FUT8: variants seen among roughly 807,000 people sequenced by gnomAD.
The protein encoded by FUT8 is fucosyltransferase 8.
FUT8 carries 29 observed loss-of-function variants against 71.3 expected under a neutral mutation model. The ratio of observed to expected loss-of-function variants is 0.41; its 90% CI spans 0.30 to 0.55. The LOEUF (loss-of-function observed/expected upper bound fraction) is 0.55. Among genes scored for constraint, FUT8 ranks in the 20% least tolerant of loss-of-function variants. The pLI is 0.34. For missense variants in FUT8, 544 were observed against 702.1 expected (o/e 0.77, Z 2.55); for synonymous variants, 254 against 239.3 (o/e 1.06, Z -0.57).
chr14:65,438,288 T>A (rs2065591471), intron 1 of FUT8, among the ~76,000 whole-genome samples: 1 of 152,082 alleles, frequency 6.6e-6, no homozygotes, highest in South Asian at 2.1e-4. Context: ...TCCCCTCACA[T>A]ATTCATTCTC....
chr14:65,706,628 T>C (rs1894569957), intron 7 of FUT8, among the ~76,000 whole-genome samples: 4 of 152,148 alleles, frequency 2.6e-5, no homozygotes, highest in Admixed American at 2.0e-4. Context: ...CCTGCTTCCT[T>C]ATGGGTGATA....
intron 6 of FUT8, among the ~76,000 whole-genome samples, chr14:65,641,753 GTT>G (rs34026328): frequency 2.4e-4 from 34 of 140,576 alleles, no homozygotes; most frequent in East Asian, 4.1e-4. Flanking sequence ...TGTGTATGTG[GTT>G]TTTTTTTTTT....
intron 1 of FUT8, among the ~76,000 whole-genome samples, chr14:65,450,435 C>T (rs1404834498): frequency 6.6e-6 from 1 of 151,982 alleles, no homozygotes; most frequent in African/African-American, 2.4e-5. Flanking sequence ...ACTTCTCTTC[C>T]TTTATTATGT....
chr14:65,471,401 A>C (rs1352718204), intron 2 of FUT8, among the ~76,000 whole-genome samples: 4 of 152,016 alleles, frequency 2.6e-5, no homozygotes, highest in African/African-American at 7.2e-5. Flanking sequence ...GGCGTATTTC[A>C]AAATGGTTTT....
upstream of FUT8, among the ~76,000 whole-genome samples, chr14:65,408,898 C>T (rs2065097668): frequency 6.6e-6 from 1 of 152,180 alleles, no homozygotes; most frequent in Non-Finnish European, 1.5e-5. Context: ...AAGAGTACAG[C>T]TTGAGGCCAG....
At chr14:65,602,888 T>A (rs1174981257) in intron 3 of FUT8, among the ~76,000 whole-genome samples, 3 of 151,926 alleles carry the variant, frequency 2.0e-5, no homozygotes. Context: ...TTGCTGTGGA[T>A]TCTGTATATT....
intron 3 of FUT8, among the ~76,000 whole-genome samples, chr14:65,595,472 C>T (rs1887914623): frequency 6.6e-6 from 1 of 152,122 alleles, no homozygotes; most frequent in Admixed American, 6.6e-5. Context: ...TTATATACCT[C>T]AGTCTGGATT....
At chr14:65,737,374 A>C (rs539086816) in intron 10 of FUT8, among the ~76,000 whole-genome samples, 1 of 152,204 alleles carries the variant, frequency 6.6e-6, no homozygotes, top group South Asian at 2.1e-4. Flanking sequence ...CATTTTTTTC[A>C]AGTACGTCAA....
intron 6 of FUT8, among the ~76,000 whole-genome samples, chr14:65,648,962 T>C (rs1393023952): frequency 6.6e-6 from 1 of 152,190 alleles, no homozygotes; most frequent in African/African-American, 2.4e-5. Flanking sequence ...GTAGGGAGTC[T>C]CTGACGATAT....
intron 1 of FUT8, among the ~76,000 whole-genome samples, chr14:65,441,956 C>T (rs527538852): frequency 6.6e-6 from 1 of 152,118 alleles, no homozygotes; most frequent in East Asian, 1.9e-4. Context: ...CCTCCCACAA[C>T]CCCACGACAG....
At chr14:65,465,335 C>T (rs908243306) in intron 2 of FUT8, among the ~76,000 whole-genome samples, 3 of 151,906 alleles carry the variant, frequency 2.0e-5, no homozygotes, top group South Asian at 2.1e-4. Context: ...CATTTATTTA[C>T]TTACTTACTT....
At chr14:65,405,143 A>G in the FUT8 span, among the ~76,000 whole-genome samples, 104,621 of 152,008 alleles carry the variant, frequency 0.69, 36,181 homozygotes, top group East Asian at 0.77. Flanking sequence ...CTCAGGTAAT[A>G]GGATGGAGAG....
chr14:65,429,943 A>G (rs1211114993), intron 1 of FUT8, among the ~76,000 whole-genome samples: 1 of 151,344 alleles, frequency 6.6e-6, no homozygotes, highest in Non-Finnish European at 1.5e-5. Context: ...GCTTTTTATG[A>G]AATGTCAGTG....
At chr14:65,591,320 T>C (rs8015947) in intron 3 of FUT8, among the ~76,000 whole-genome samples, 9,755 of 152,178 alleles carry the variant, frequency 0.064, 589 homozygotes, top group African/African-American at 0.15. Flanking sequence ...GTTGTTCAGG[T>C]TTAGACTGAA....
intron 7 of FUT8, among the ~76,000 whole-genome samples, chr14:65,688,520 CAAAAAAAAAAAA>C (rs34293733): frequency 1.6e-4 from 9 of 55,124 alleles, no homozygotes; most frequent in Admixed American, 4.5e-4. Context: ...ATCCACATGC[CAAAAAAAAAAAA>C]AAAAAAAAAA....
intron 2 of FUT8, among the ~76,000 whole-genome samples, chr14:65,514,031 T>C (rs551201751): frequency 5.8e-4 from 88 of 152,338 alleles, no homozygotes; most frequent in African/African-American, 2.0e-3. Flanking sequence ...AGGTGAACTA[T>C]AGAGCACAAA....
chr14:65,397,011 A>G, the FUT8 span, among the ~76,000 whole-genome samples: 1 of 152,160 alleles, frequency 6.6e-6, no homozygotes, highest in African/African-American at 2.4e-5. This position sits in a 1 kb window ranked among gnomAD's most constrained non-coding sequence, Gnocchi z 4.2. Flanking sequence ...AGGCCTGGCT[A>G]AGATTTATTT....
chr14:65,392,803 T>A, the FUT8 span, among the ~76,000 whole-genome samples: 3 of 152,148 alleles, frequency 2.0e-5, no homozygotes, highest in Non-Finnish European at 4.4e-5. Context: ...GATTAAGAAT[T>A]TAACAAAAAG....
chr14:65,482,816 C>G (rs568460492), intron 2 of FUT8, among the ~76,000 whole-genome samples: 1 of 152,092 alleles, frequency 6.6e-6, no homozygotes. Context: ...TAAGTTTTGC[C>G]AGTACAGAGT....
Sources: allele counts gnomAD v4.1 joint callset (sites outside exome capture counted in the v4.1 genomes callset), GRCh38; gene constraint gnomAD v4.1.1; non-coding constraint Gnocchi (gnomAD v3.1); transcripts MANE v1.5; gene names NCBI Gene and HGNC (gene_info 2026-07-23, HGNC 2026-07-21).